SAMD12: variants seen among roughly 807,000 people sequenced by gnomAD.
The protein encoded by SAMD12 is sterile alpha motif domain-containing protein 12.
SAMD12 carries 9 observed loss-of-function variants against 15.0 expected under a neutral mutation model. That is an observed-to-expected ratio of 0.60 (90% CI 0.36 to 1.05). The LOEUF (loss-of-function observed/expected upper bound fraction) is 1.05. SAMD12 is among the 50% of genes least tolerant of loss of function. The pLI, the probability that SAMD12 is intolerant of heterozygous loss-of-function variation, is 0.01. For synonymous variants in SAMD12, 86 were observed against 90.1 expected (o/e 0.96, Z 0.25); for missense variants, 230 against 234.2 (o/e 0.98, Z 0.12).
intron 2 of SAMD12, among the ~76,000 whole-genome samples, chr8:118,505,670 C>A (rs894585211): frequency 6.6e-6 from 1 of 151,226 alleles, no homozygotes; most frequent in African/African-American, 2.4e-5. Context: ...GAGTCAGTCA[C>A]GCATTACATA....
intron 4 of SAMD12, among the ~76,000 whole-genome samples, chr8:118,221,139 A>G (rs1812074331): frequency 6.6e-6 from 1 of 152,192 alleles, no homozygotes; most frequent in Non-Finnish European, 1.5e-5. Flanking sequence ...TGTCTCGTCT[A>G]TTAGTATTTA....
At chr8:118,415,448 G>GGTGTGTGTGTGTGTGTGTGT (rs58176749) in intron 3 of SAMD12, among the ~76,000 whole-genome samples, 31 of 142,858 alleles carry the variant, frequency 2.2e-4, no homozygotes, top group Non-Finnish European at 3.7e-4. Flanking sequence ...CTTGTCCTAA[G>GGTGTGTGTGTGTGTGTGTGT]GTGTGTGTGT....
intron 4 of SAMD12, among the ~76,000 whole-genome samples, chr8:118,272,539 C>A (rs983151686): frequency 6.6e-6 from 1 of 152,186 alleles, no homozygotes; most frequent in South Asian, 2.1e-4. Flanking sequence ...TTGAATTTAT[C>A]CCCAGAAAAT....
intron 3 of SAMD12, among the ~76,000 whole-genome samples, chr8:118,387,867 C>A (rs958974238): frequency 1.3e-5 from 2 of 152,074 alleles, no homozygotes; most frequent in Non-Finnish European, 2.9e-5. Context: ...TGCACAAGGG[C>A]GTAATGTTTC....
At chr8:118,302,790 C>G (rs1163707976) in intron 4 of SAMD12, among the ~76,000 whole-genome samples, 1 of 152,180 alleles carries the variant, frequency 6.6e-6, no homozygotes, top group African/African-American at 2.4e-5. Context: ...ATAGCATAGA[C>G]TCATAAAATC....
chr8:118,369,740 C>T (rs1818984091), intron 4 of SAMD12, among the ~76,000 whole-genome samples: 1 of 151,580 alleles, frequency 6.6e-6, no homozygotes, highest in Non-Finnish European at 1.5e-5. Flanking sequence ...ATAAAAAACC[C>T]ACAAAAACAA....
chr8:118,331,656 G>A (rs1003504029), intron 4 of SAMD12, among the ~76,000 whole-genome samples: 1 of 152,224 alleles, frequency 6.6e-6, no homozygotes, highest in Non-Finnish European at 1.5e-5. Flanking sequence ...TTAACCAAGA[G>A]TGTGGAAATG....
chr8:118,344,809 CATA>C (rs1464432281), intron 4 of SAMD12, among the ~76,000 whole-genome samples: 16 of 152,134 alleles, frequency 1.1e-4, no homozygotes, highest in Admixed American at 9.8e-4. Flanking sequence ...TCACATGCCA[CATA>C]ATGACATTTT....
chr8:118,302,078 G>GATTTTTTTTTTT (rs1815062939), intron 4 of SAMD12, among the ~76,000 whole-genome samples: 5 of 74,690 alleles, frequency 6.7e-5, no homozygotes, highest in African/African-American at 3.5e-4. Context: ...ATCTTTGAGA[G>GATTTTTTTTTTT]TTTTTTTTTT....
At chr8:118,586,859 T>C (rs948440970) in intron 1 of SAMD12, among the ~76,000 whole-genome samples, 2 of 152,230 alleles carry the variant, frequency 1.3e-5, no homozygotes, top group Non-Finnish European at 2.9e-5. Flanking sequence ...AAGATACTGA[T>C]TGAATCCTAC....
At chr8:118,154,838 GA>G in the SAMD12 span, among the ~76,000 whole-genome samples, 1 of 152,134 alleles carries the variant, frequency 6.6e-6, no homozygotes, top group African/African-American at 2.4e-5. Flanking sequence ...GACAGAAAAA[GA>G]AAATGACAAT....
At chr8:118,398,241 A>T (rs1424861095) in intron 3 of SAMD12, among the ~76,000 whole-genome samples, 2 of 152,164 alleles carry the variant, frequency 1.3e-5, no homozygotes, top group Non-Finnish European at 2.9e-5. Flanking sequence ...TACTAAAAAT[A>T]CAAAAATATT....
chr8:118,332,471 A>C (rs1269824489), intron 4 of SAMD12, among the ~76,000 whole-genome samples: 2 of 152,202 alleles, frequency 1.3e-5, no homozygotes, highest in African/African-American at 4.8e-5. Flanking sequence ...TCATTTCCCA[A>C]AACAGGATGT....
At chr8:118,366,456 T>C (rs1469855596) in intron 4 of SAMD12, among the ~76,000 whole-genome samples, 1 of 152,162 alleles carries the variant, frequency 6.6e-6, no homozygotes, top group Non-Finnish European at 1.5e-5. Context: ...TGACACTTAG[T>C]AGGTTCTCAA....
chr8:118,621,299 G>C (rs1321283820), intron 1 of SAMD12: 2 of 184,020 alleles, frequency 1.1e-5, no homozygotes, highest in Non-Finnish European at 2.3e-5. Flanking sequence ...CTACCCTCTG[G>C]GTACATCTGC....
chr8:118,316,261 G>A (rs1232467747), intron 4 of SAMD12, among the ~76,000 whole-genome samples: 3 of 151,400 alleles, frequency 2.0e-5, no homozygotes, highest in East Asian at 1.9e-4. Context: ...TTGGCCAGGT[G>A]CGGTGGCTCA....
At chr8:118,338,039 G>C (rs1054770324) in intron 4 of SAMD12, among the ~76,000 whole-genome samples, 2 of 152,210 alleles carry the variant, frequency 1.3e-5, no homozygotes, top group Non-Finnish European at 2.9e-5. Context: ...GGAGACTACT[G>C]TACAGCTTTT....
rs189567752 is a variant in SAMD12 at position 118,291,217 on chromosome 8, A to G, written c.433+88343T>C. 1.7e-3 allele frequency: 255 copies of G among 152,302 alleles called. 1 individual carries two copies. Among genetic ancestry groups the G allele is most frequent in the African/African-American group, 5.9e-3 (245 of 41,548 alleles). The allele number at this position is 152,302 out of a possible 1,614,324, so 9.4% of individuals were successfully genotyped here. On this transcript the variant is annotated intron_variant, in intron 4 of 4. Transcript: ENST00000409003. Reference sequence around the variant, plus strand: ...CACCTTTTCTTTTTTCTTTAGATTAATAACACACAGGAAAAACCCTCAACT... The same window carrying G: ...CACCTTTTCTTTTTTCTTTAGATTAGTAACACACAGGAAAAACCCTCAACT...
chr8:118,307,595 C>G (rs2130371598), intron 4 of SAMD12, among the ~76,000 whole-genome samples: 1 of 152,296 alleles, frequency 6.6e-6, no homozygotes, highest in East Asian at 1.9e-4. Context: ...TAGTTTATGC[C>G]TACAATAAAC....
Sources: allele counts gnomAD v4.1 joint callset (sites outside exome capture counted in the v4.1 genomes callset), GRCh38; gene constraint gnomAD v4.1.1; transcripts MANE v1.5; gene names NCBI Gene and HGNC (gene_info 2026-07-23, HGNC 2026-07-21).